Variants in GSTO2 observed in about 807,000 individuals in gnomAD.
GSTO2 encodes glutathione S-transferase omega-2.
In GSTO2, 23 loss-of-function variants were observed where a neutral mutation model predicts 28.4. That is an observed-to-expected ratio of 0.81 (90% CI 0.58 to 1.15). The LOEUF (loss-of-function observed/expected upper bound fraction) is 1.15. Ranked by LOEUF, GSTO2 falls within the 50% of genes most tolerant of loss-of-function variation. The probability of loss-of-function intolerance (pLI) is 0.00; values close to 1 mark genes in which losing one functional copy is unlikely to be tolerated. For missense variants in GSTO2, 298 were observed against 297.8 expected, an observed-to-expected ratio of 1.00 and a Z score of 0.00; for synonymous variants, 109 against 111.0, an observed-to-expected ratio of 0.98 and a Z score of 0.11.
At chr10:104,293,563 A>ATTTTTTTTTCTTTTTTTTTT (rs2012878295) in intron 5 of GSTO2, among the ~76,000 whole-genome samples, 1 of 81,652 alleles carries the variant, frequency 1.2e-5, no homozygotes, top group African/African-American at 6.2e-5. Context: ...CGCCTGGCCA[A>ATTTTTTTTTCTTTTTTTTTT]TTTTTTTTTT....
chr10:104,304,898 T>C lies in GSTO2; in HGVS notation c.*5614T>C, dbSNP rs2013354447. On this transcript the variant is annotated 3_prime_UTR_variant, in exon 7 of 7. Transcript: ENST00000338595. The stretch of plus-strand genomic sequence containing the variant: ...GTTTAATACTGTGCATTCTGAAATC[T>C]TGCAATGTTGATGATGTAAAATAAA... 6.6e-6 allele frequency: 1 copy of C among 152,258 alleles called. No individual in the cohort carries two copies. Among genetic ancestry groups the C allele is most frequent in the Non-Finnish European group, 1.5e-5 (1 of 68,042 alleles). 9.4% of individuals were successfully genotyped at this position (152,258 alleles called of 1,614,324 possible). A position where few individuals can be genotyped will look rare whatever the true frequency, so the allele number is the denominator to read the frequency against.
At chr10:104,295,497 C>T (rs2012979274) in intron 5 of GSTO2, 1 of 152,258 alleles carries the variant, frequency 6.6e-6, no homozygotes, top group African/African-American at 2.4e-5. Context: ...CTTCAGGGGC[C>T]TGTGTTCCCA....
Position 104,272,587 on chromosome 10 carries a change from C to CTTTTTTTTTTTTTTTTTTTTTTTT in GSTO2, c.-231-2077_-231-2054dup, listed in dbSNP as rs768279768. Among the ~76,000 whole-genome samples, 4 of 49,280 alleles carry CTTTTTTTTTTTTTTTTTTTTTTTT rather than the reference C, an allele frequency of 8.1e-5. 1 individual carries two copies. Among genetic ancestry groups the CTTTTTTTTTTTTTTTTTTTTTTTT allele is most frequent in the Non-Finnish European group, 1.5e-4 (4 of 26,482 alleles). 32.3% of individuals were successfully genotyped at this position (49,280 alleles called of 152,430 possible). A position where few individuals can be genotyped will look rare whatever the true frequency, so the allele number is the denominator to read the frequency against. ...GAATCAAAATAGAACAGTTATGGGA[C>CTTTTTTTTTTTTTTTTTTTTTTTT]TTTTTTTTTTTTTTTTTTTTTTTTT... On this transcript the variant is annotated intron_variant, in intron 1 of 6. Transcript: ENST00000338595.
chr10:104,285,052 G>A (rs1310863444), intron 5 of GSTO2, among the ~76,000 whole-genome samples: 1 of 152,118 alleles, frequency 6.6e-6, no homozygotes, highest in Non-Finnish European at 1.5e-5. Flanking sequence ...TTATGGTTTT[G>A]CTTCTTGTCA....
chr10:104,280,437 A>G (rs1320468145), intron 5 of GSTO2, among the ~76,000 whole-genome samples: 3 of 152,242 alleles, frequency 2.0e-5, no homozygotes, highest in Non-Finnish European at 4.4e-5. Flanking sequence ...AAATCCTACC[A>G]GAAATTCTAC....
chr10:104,295,594 G>T (rs534443856), intron 5 of GSTO2: 1 of 152,222 alleles, frequency 6.6e-6, no homozygotes, highest in Non-Finnish European at 1.5e-5. Context: ...CCTCCGTGGT[G>T]CGTGCTAACA....
chr10:104,302,563 A>G lies in GSTO2; in HGVS notation c.*3279A>G, dbSNP rs1052000928. ...GGCTATGGTCGTGGTGCTGGTGACT[A>G]AATGGTACTTGAAATTTCTTTTAGA... On this transcript the variant is annotated 3_prime_UTR_variant, in exon 7 of 7. Transcript: ENST00000338595. The G allele has an allele frequency of 2.6e-5, 4 of 152,484 alleles. No individual in the cohort carries two copies. The highest frequency in any genetic ancestry group is 1.9e-4 in the East Asian group (1 of 5,174). The allele number at this position is 152,484 out of a possible 1,614,324, so 9.4% of individuals were successfully genotyped here. A position where few individuals can be genotyped will look rare whatever the true frequency, so the allele number is the denominator to read the frequency against.
Position 104,275,332 on chromosome 10 carries a change from C to G in GSTO2, c.141C>G (p.Ile47Met). The G allele has an allele frequency of 6.2e-7, 1 of 1,613,712 alleles. No individual in the cohort carries two copies. Among genetic ancestry groups the G allele is most frequent in the Non-Finnish European group, 8.5e-7 (1 of 1,179,798 alleles). ...RTRLVLKAKD[I>M]RHEVVNINLR... ...GCCTCGTCCTCAAGGCCAAAGACAT[C>G]AGGTGAGAAGCGGGAACCCAGAGCC... is the stretch of plus-strand genomic sequence containing the variant. Residue 47 changes from isoleucine (I) to methionine (M), a missense_variant and splice_region_variant, in exon 3 of 7, where the codon ATC (isoleucine) becomes ATG (methionine). Physicochemically the swap from Ile to Met is conservative, Grantham distance 10. Coordinates refer to ENST00000338595, the MANE Select transcript of GSTO2 (RefSeq NM_183239.2).
At position 104,297,620 on chromosome 10, in the gene GSTO2, A is replaced by T; in HGVS notation, c.511A>T (p.Ile171Leu). 2 of 1,613,796 alleles carry T rather than the reference A, an allele frequency of 1.2e-6. No individual in the cohort carries two copies. The highest frequency in any genetic ancestry group is 1.7e-6 in the Non-Finnish European group (2 of 1,179,752). Residue 171 changes from isoleucine (I) to leucine (L), a missense_variant, in exon 6 of 7, where the codon ATA becomes TTA. Transcript: ENST00000338595. ...CACCACCTTCTTTGGTGGAACCTGT[A>T]TATCCATGATTGATTACCTCCTCTG... Reference protein sequence around the residue: ...QNTTFFGGTCISMIDYLLWPW... With the variant: ...QNTTFFGGTCLSMIDYLLWPW...
chr10:104,279,309 C>T (rs1402745461), intron 4 of GSTO2, 61 bp from the exon 5 acceptor site: 2 of 1,404,708 alleles, frequency 1.4e-6, no homozygotes, highest in Non-Finnish European at 2.0e-6. Context: ...CCTTTTCAGG[C>T]AGAACAGGAA....
At chr10:104,286,031 A>G (rs530308816) in intron 5 of GSTO2, 6 of 273,706 alleles carry the variant, frequency 2.2e-5, no homozygotes, top group South Asian at 1.5e-4. Context: ...TAAATTTTTT[A>G]TCATCTAAGT....
At chr10:104,283,374 C>T (rs7079338) in intron 5 of GSTO2, among the ~76,000 whole-genome samples, 36,083 of 152,160 alleles carry the variant, frequency 0.24, 4,610 homozygotes, top group Middle Eastern at 0.34. Flanking sequence ...ACTTGTAATC[C>T]AGGCACTTTG....
intron 1 of GSTO2, among the ~76,000 whole-genome samples, chr10:104,269,571 C>T (rs1244965906): frequency 6.6e-6 from 1 of 152,224 alleles, no homozygotes; most frequent in Non-Finnish European, 1.5e-5. Flanking sequence ...AACCAGTTCT[C>T]AGCCTTGCGT....
rs902325149 is a variant in GSTO2, at chr10:104,302,334, G to A, written c.*3050G>A. 1.3e-5 allele frequency: 2 copies of A among 152,090 alleles called. No individual in the cohort carries two copies. Among genetic ancestry groups the A allele is most frequent in the African/African-American group, 4.8e-5 (2 of 41,418 alleles). 9.4% of individuals were successfully genotyped at this position (152,090 alleles called of 1,614,324 possible). A position where few individuals can be genotyped will look rare whatever the true frequency, so the allele number is the denominator to read the frequency against. ...GCCATTCTCTATCTTTTGCAGATTG[G>A]AAAAATAAAAAAATTAGTTTAAACC... On this transcript the variant is annotated 3_prime_UTR_variant, in exon 7 of 7. Coordinates refer to ENST00000338595, the MANE Select transcript of GSTO2 (RefSeq NM_183239.2).
At chr10:104,277,500 G>T (rs1452857650) in intron 3 of GSTO2, among the ~76,000 whole-genome samples, 1 of 152,124 alleles carries the variant, frequency 6.6e-6, no homozygotes, top group Non-Finnish European at 1.5e-5. Context: ...TGGCCAGGCA[G>T]GTCTTGAATT....
At chr10:104,297,356 G>A in intron 5 of GSTO2, 1 of 393,750 alleles carries the variant, frequency 2.5e-6, no homozygotes, top group Non-Finnish European at 4.8e-6. Context: ...TGTCACTCTA[G>A]TGTTGAAAGG....
Position 104,277,924 on chromosome 10 carries a change from C to T in GSTO2, c.174C>T (p.Asn58=). The change falls in exon 4 of 7, where the codon AAC becomes AAT. Residue 58 remains asparagine (N), a synonymous_variant. Transcript: ENST00000338595. ...RHEVVNINLR[N]KPEWYYTKHP... is the part of the protein sequence containing the mutation. ...AAGTGGTCAACATTAACCTGAGAAA[C>T]AAGCCTGAATGGTACTATACAAAGC... The T allele has an allele frequency of 1.9e-6, 3 of 1,613,956 alleles. No homozygotes were observed. The highest frequency in any genetic ancestry group is 1.7e-6 in the Non-Finnish European group (2 of 1,179,872).
In GSTO2 at chr10:104,302,933, A is replaced by C. The variant is rs1284428270; in HGVS notation, c.*3649A>C. 1.3e-5 allele frequency: 2 copies of C among 152,216 alleles called. No individual in the cohort carries two copies. Among genetic ancestry groups the C allele is most frequent in the African/African-American group, 4.8e-5 (2 of 41,434 alleles). 9.4% of individuals were successfully genotyped at this position (152,216 alleles called of 1,614,324 possible). On this transcript the variant is annotated 3_prime_UTR_variant, in exon 7 of 7. Transcript: ENST00000338595. ...CAGCCTGCAGAACCATGAGCCAATTAAACCTCTTTTTAAAAACACTTTTAT... is the reference window on the plus strand; with the variant it reads ...CAGCCTGCAGAACCATGAGCCAATTCAACCTCTTTTTAAAAACACTTTTAT...
At position 104,278,023 on chromosome 10, in the gene GSTO2, G is replaced by C. The variant is rs2011749908; in HGVS notation, c.273G>C (p.Glu91Asp). 3.7e-6 allele frequency: 6 copies of C among 1,614,104 alleles called. No individual in the cohort carries two copies. Among genetic ancestry groups the C allele is most frequent in the Admixed American group, 1.7e-5 (1 of 60,016 alleles). The change falls in exon 4 of 7, where the codon GAG (glutamate) becomes GAC (aspartate). Residue 91 changes from glutamate to aspartate, a missense_variant. Transcript: ENST00000338595. Reference sequence around the variant, plus strand: ...TCTATGAATCTGTTATTGCTTGTGAGTACCTGGATGATGCTTATCCAGGAA... The same window carrying C: ...TCTATGAATCTGTTATTGCTTGTGACTACCTGGATGATGCTTATCCAGGAA... ...QLIYESVIAC[E>D]YLDDAYPGRK...
Sources: gnomAD v4.1 joint callset for allele counts (sites outside exome capture counted in the v4.1 genomes callset) on GRCh38, gnomAD v4.1.1 for gene constraint, MANE v1.5 for transcripts, NCBI Gene and HGNC (gene_info 2026-07-23, HGNC 2026-07-21) for gene names.